NHS: variants seen among roughly 807,000 people sequenced by gnomAD.
NHS encodes the protein actin remodeling regulator NHS.
In NHS, 5 loss-of-function variants were observed where a neutral mutation model predicts 72.5. The ratio of observed to expected loss-of-function variants is 0.07; its 90% confidence interval spans 0.04 to 0.14. NHS has a LOEUF of 0.14. Ranked by LOEUF, NHS falls within the 10% of genes least tolerant of loss-of-function variation. NHS has a pLI of 1.00. For synonymous variants in NHS, 464 were observed against 547.7 expected, an observed-to-expected ratio of 0.85 and a Z score of 2.13; for missense variants, 1,072 against 1,355.7, an observed-to-expected ratio of 0.79 and a Z score of 3.29.
At chrX:17,391,077 C>A (rs1485658975) in intron 1 of NHS, among the ~76,000 whole-genome samples, 2 of 111,471 alleles carry the variant, frequency 1.8e-5, no homozygotes, top group Non-Finnish European at 3.8e-5. Context: ...CAGACAGACA[C>A]CCTCTTTTAA....
intron 1 of NHS, among the ~76,000 whole-genome samples, chrX:17,482,133 G>A (rs2064948417): frequency 9.0e-6 from 1 of 111,729 alleles, no homozygotes; most frequent in African/African-American, 3.3e-5. Context: ...TAGCTCAAAG[G>A]TTTGTGGAGA....
At chrX:17,719,111 G>A (rs1295459540) in intron 3 of NHS, among the ~76,000 whole-genome samples, 2 of 102,228 alleles carry the variant, frequency 2.0e-5, no homozygotes, top group Admixed American at 2.1e-4. Context: ...GGGAAGGAAG[G>A]AAAGAAGGAA....
At chrX:17,475,104 A>G (rs1335809746) in intron 1 of NHS, among the ~76,000 whole-genome samples, 2 of 112,085 alleles carry the variant, frequency 1.8e-5, no homozygotes, top group Non-Finnish European at 3.8e-5. Flanking sequence ...GGATGAATCA[A>G]TATGACTCAA....
intron 1 of NHS, among the ~76,000 whole-genome samples, chrX:17,413,127 GCA>G (rs1278760021): frequency 8.9e-6 from 1 of 111,996 alleles, no homozygotes; most frequent in Non-Finnish European, 1.9e-5. Flanking sequence ...GTGTGTGCGT[GCA>G]CACACGCACA....
intron 3 of NHS, among the ~76,000 whole-genome samples, chrX:17,710,251 T>C (rs1211471930): frequency 1.8e-5 from 2 of 112,751 alleles, no homozygotes; most frequent in African/African-American, 6.4e-5. Context: ...TCATATTAAA[T>C]ACTGTGAGAA....
chrX:17,719,176 GGAAGGAGGAAGGGAAAGAAGGAAT>G (rs1362197410), intron 3 of NHS, 144 bp from the exon 4 acceptor site: 2 of 404,753 alleles, frequency 4.9e-6, no homozygotes, highest in African/African-American at 5.8e-5. Context: ...ATAATGAGAA[GGAAGGAGGAAGGGAAAGAAGGAAT>G]GAAGGAGGAA....
At chrX:17,655,640 C>G (rs929712012) in intron 1 of NHS, among the ~76,000 whole-genome samples, 1 of 112,847 alleles carries the variant, frequency 8.9e-6, no homozygotes, top group African/African-American at 3.2e-5. Context: ...CTTGCTGCCC[C>G]GGAGGTTTGG....
chrX:17,448,484 G>T (rs1342893803), intron 1 of NHS, among the ~76,000 whole-genome samples: 1 of 111,809 alleles, frequency 8.9e-6, no homozygotes, highest in Non-Finnish European at 1.9e-5. Flanking sequence ...TGTGGCTGGG[G>T]GCCCATGAAT....
At chrX:17,705,647 A>G (rs1258933220) in intron 3 of NHS, 1 of 113,302 alleles carries the variant, frequency 8.8e-6, no homozygotes, top group Non-Finnish European at 1.9e-5. Context: ...TGGGTCAGAA[A>G]TGAGCCAAGG....
intron 1 of NHS, among the ~76,000 whole-genome samples, chrX:17,540,923 T>C (rs966162528): frequency 1.8e-5 from 2 of 111,075 alleles, no homozygotes; most frequent in Non-Finnish European, 3.8e-5. Flanking sequence ...CTACAAAAAA[T>C]TAGCTGGGCA....
chrX:17,569,796 T>C (rs769900479), intron 1 of NHS, among the ~76,000 whole-genome samples: 1 of 112,344 alleles, frequency 8.9e-6, no homozygotes, highest in Admixed American at 9.4e-5. Context: ...ATTAAAATGG[T>C]ACTAGGTCTT....
chrX:17,643,495 G>T (rs1233997106), intron 1 of NHS, among the ~76,000 whole-genome samples: 1 of 111,314 alleles, frequency 9.0e-6, no homozygotes, highest in East Asian at 2.8e-4. Context: ...AAGGAATTTA[G>T]TTCTGATCTG....
At chrX:17,629,879 G>C (rs917593551) in intron 1 of NHS, among the ~76,000 whole-genome samples, 2 of 110,545 alleles carry the variant, frequency 1.8e-5, no homozygotes, top group Non-Finnish European at 3.8e-5. Context: ...GAACAAAACA[G>C]GTCAGTGGTG....
intron 1 of NHS, among the ~76,000 whole-genome samples, chrX:17,445,791 G>A (rs1376313745): frequency 1.3e-4 from 13 of 100,103 alleles, no homozygotes; most frequent in Non-Finnish European, 2.6e-4. Context: ...TAAATGAAGA[G>A]TGCTGTTTTT....
intron 1 of NHS, among the ~76,000 whole-genome samples, chrX:17,673,413 G>A (rs2066061404): frequency 9.0e-6 from 1 of 111,217 alleles, no homozygotes; most frequent in African/African-American, 3.3e-5. Flanking sequence ...GTGATGTGGG[G>A]CAGAAAGATC....
chrX:17,718,910 AAAGG>A (rs1270826972), intron 3 of NHS, among the ~76,000 whole-genome samples: 1 of 90,603 alleles, frequency 1.1e-5, no homozygotes, highest in Admixed American at 1.2e-4. Flanking sequence ...AAGGAAGAGG[AAAGG>A]AAGGAAGAAA....
intron 1 of NHS, among the ~76,000 whole-genome samples, chrX:17,515,067 C>G (rs1191507369): frequency 1.8e-5 from 2 of 111,547 alleles, no homozygotes; most frequent in Non-Finnish European, 3.8e-5. Context: ...AGATTTGGAG[C>G]AAATAACACA....
At chrX:17,696,041 G>A (rs889611455) in intron 3 of NHS, among the ~76,000 whole-genome samples, 1 of 110,754 alleles carries the variant, frequency 9.0e-6, no homozygotes, top group Non-Finnish European at 1.9e-5. Flanking sequence ...CTGTGGACCT[G>A]AGCTACAGAG....
At chrX:17,608,214 C>G (rs1282019092) in intron 1 of NHS, among the ~76,000 whole-genome samples, 1 of 111,435 alleles carries the variant, frequency 9.0e-6, no homozygotes, top group Non-Finnish European at 1.9e-5. Flanking sequence ...CATGCCTGGC[C>G]AGGTCCAGGT....
Sources: gnomAD v4.1 joint callset for allele counts (sites outside exome capture counted in the v4.1 genomes callset) on GRCh38, gnomAD v4.1.1 for gene constraint, MANE v1.5 for transcripts, NCBI Gene and HGNC (gene_info 2026-07-23, HGNC 2026-07-21) for gene names.